The following TMEM178B variants were observed in gnomAD, a reference collection of about 807,000 sequenced individuals.
The protein encoded by TMEM178B is transmembrane protein 178B.
A neutral mutation model predicts 31.0 loss-of-function variants in TMEM178B; 5 were observed. The ratio of observed to expected loss-of-function variants is 0.16; its 90% CI spans 0.08 to 0.34. TMEM178B has a LOEUF of 0.34. Ranked by LOEUF, TMEM178B falls within the 10% of genes least tolerant of loss-of-function variation. The pLI, the probability that TMEM178B is intolerant of heterozygous loss-of-function variation, is 1.00. For missense variants in TMEM178B, 275 were observed against 400.3 expected, an observed-to-expected ratio of 0.69 and a Z score of 2.67; for synonymous variants, 164 against 164.0, an observed-to-expected ratio of 1.00 and a Z score of 0.00.
intron 1 of TMEM178B, among the ~76,000 whole-genome samples, chr7:141,127,685 GTTGTT>G (rs911033385): frequency 1.3e-5 from 2 of 152,192 alleles, no homozygotes; most frequent in South Asian, 2.1e-4. Context: ...GTAGATTTCT[GTTGTT>G]TGAAGTCACC....
intron 1 of TMEM178B, among the ~76,000 whole-genome samples, chr7:141,123,852 A>C (rs968143760): frequency 6.6e-6 from 1 of 151,916 alleles, no homozygotes; most frequent in Non-Finnish European, 1.5e-5. Context: ...TCCTGGGCTC[A>C]AGTGATCCAT....
chr7:141,382,298 C>A (rs905150881), intron 2 of TMEM178B, among the ~76,000 whole-genome samples: 1 of 152,162 alleles, frequency 6.6e-6, no homozygotes, highest in African/African-American at 2.4e-5. Flanking sequence ...TGTCTCTCCA[C>A]CTCTTGTGTG....
At chr7:141,186,956 T>C (rs183818043) in intron 1 of TMEM178B, among the ~76,000 whole-genome samples, 2 of 152,134 alleles carry the variant, frequency 1.3e-5, no homozygotes, top group Non-Finnish European at 2.9e-5. Flanking sequence ...TTATTATTAT[T>C]ATACTTTAAG....
chr7:141,361,846 C>T (rs938519134), intron 2 of TMEM178B, among the ~76,000 whole-genome samples: 1 of 152,210 alleles, frequency 6.6e-6, no homozygotes, highest in Admixed American at 6.5e-5. Flanking sequence ...GTTTCTTACA[C>T]CCAGCCCACT....
chr7:141,221,349 C>T (rs1797253641), intron 2 of TMEM178B, among the ~76,000 whole-genome samples: 1 of 152,318 alleles, frequency 6.6e-6, no homozygotes, highest in East Asian at 1.9e-4. Flanking sequence ...GTGCTCAGCA[C>T]TCTGGCTGGC....
intron 1 of TMEM178B, among the ~76,000 whole-genome samples, chr7:141,100,038 C>G (rs566468100): frequency 1.3e-5 from 2 of 152,180 alleles, no homozygotes; most frequent in South Asian, 2.1e-4. Flanking sequence ...CCAGGATGGT[C>G]TCGATCTCCT....
chr7:141,312,963 T>G (rs190029641), intron 2 of TMEM178B, among the ~76,000 whole-genome samples: 3 of 152,320 alleles, frequency 2.0e-5, no homozygotes, highest in African/African-American at 7.2e-5. Flanking sequence ...TTTAGGCCAG[T>G]TACATCTTTG....
chr7:141,169,838 G>A (rs1586806903), intron 1 of TMEM178B, among the ~76,000 whole-genome samples: 1 of 152,236 alleles, frequency 6.6e-6, no homozygotes, highest in East Asian at 1.9e-4. Flanking sequence ...TGCAACTCTG[G>A]ATTAAAGAAA....
chr7:141,360,632 A>G (rs2116545936), intron 2 of TMEM178B, among the ~76,000 whole-genome samples: 1 of 152,346 alleles, frequency 6.6e-6, no homozygotes, highest in African/African-American at 2.4e-5. Context: ...CTTTGCCCTC[A>G]CTAACTCTGT....
In TMEM178B at chr7:141,427,267, C is replaced by T. The variant is rs150221565; in HGVS notation, c.497-10341C>T. ...CCCAAATAGTCAAAACAATCCTGAG[C>T]AAATAGAAGCAAGCTGGAGATGTCA... On this transcript the variant is annotated intron_variant, in intron 2 of 3. Transcript: ENST00000565468. Among the ~76,000 whole-genome samples the T allele has an allele frequency of 7.6e-3, 1,161 of 152,140 alleles. 3 individuals are homozygous for T. The highest frequency in any genetic ancestry group is 0.013 in the Non-Finnish European group (855 of 68,004).
intron 2 of TMEM178B, among the ~76,000 whole-genome samples, chr7:141,322,347 T>G: frequency 2.2e-5 from 3 of 138,360 alleles, no homozygotes; most frequent in Admixed American, 1.5e-4. Context: ...GCCAAAATGG[T>G]GAAACCCCAT....
At chr7:141,094,180 A>G (rs1794922558) in intron 1 of TMEM178B, among the ~76,000 whole-genome samples, 1 of 152,212 alleles carries the variant, frequency 6.6e-6, no homozygotes, top group Non-Finnish European at 1.5e-5. Flanking sequence ...AAGGTGGGAA[A>G]AAAAAGATGG....
At chr7:141,315,424 T>A (rs923029997) in intron 2 of TMEM178B, among the ~76,000 whole-genome samples, 1 of 152,196 alleles carries the variant, frequency 6.6e-6, no homozygotes, top group Non-Finnish European at 1.5e-5. Context: ...CCAAGGGCAG[T>A]CCTGTCCCAC....
intron 2 of TMEM178B, among the ~76,000 whole-genome samples, chr7:141,312,630 C>A (rs946194164): frequency 2.6e-5 from 4 of 152,296 alleles, no homozygotes; most frequent in Non-Finnish European, 5.9e-5. Context: ...CTCGCAAAGT[C>A]AATCTCCAAA....
intron 2 of TMEM178B, among the ~76,000 whole-genome samples, chr7:141,409,962 A>G (rs567307197): frequency 6.6e-6 from 1 of 152,014 alleles, no homozygotes; most frequent in African/African-American, 2.4e-5. Context: ...CGGGTGACAT[A>G]TGTATCTTGG....
chr7:141,213,910 C>T (rs7789917), intron 2 of TMEM178B, among the ~76,000 whole-genome samples: 93,716 of 152,062 alleles, frequency 0.62, 29,617 homozygotes, highest in Non-Finnish European at 0.69. Flanking sequence ...TAGCATTCAC[C>T]GGGCTGTTTC....
intron 1 of TMEM178B, among the ~76,000 whole-genome samples, chr7:141,145,640 C>T (rs900536436): frequency 2.0e-5 from 3 of 152,184 alleles, no homozygotes; most frequent in African/African-American, 4.8e-5. Flanking sequence ...CACACATGAA[C>T]GTGTACAAGA....
chr7:141,245,693 C>T (rs1797719814), intron 2 of TMEM178B, among the ~76,000 whole-genome samples: 1 of 152,180 alleles, frequency 6.6e-6, no homozygotes, highest in Non-Finnish European at 1.5e-5. Flanking sequence ...GCCAGCTCCC[C>T]TGATGGAACT....
chr7:141,170,548 A>G (rs1262887104), intron 1 of TMEM178B, among the ~76,000 whole-genome samples: 1 of 152,200 alleles, frequency 6.6e-6, no homozygotes, highest in Non-Finnish European at 1.5e-5. Context: ...AATGGAATTT[A>G]TGGAATTGCT....
Sources: gnomAD v4.1 joint callset for allele counts (sites outside exome capture counted in the v4.1 genomes callset) on GRCh38, gnomAD v4.1.1 for gene constraint, MANE v1.5 for transcripts, NCBI Gene and HGNC (gene_info 2026-07-23, HGNC 2026-07-21) for gene names.